The following NR3C1 variants were observed in gnomAD, a reference collection of about 807,000 sequenced individuals.
NR3C1 encodes the protein nuclear receptor subfamily 3 group C member 1, also known as glucocorticoid receptor.
Under a neutral mutation model 74.0 loss-of-function variants are expected in NR3C1, and 14 were observed. The ratio of observed to expected loss-of-function variants is 0.19; its 90% CI spans 0.12 to 0.30. The LOEUF is 0.30. Among genes scored for constraint, NR3C1 ranks in the 10% least tolerant of loss-of-function variants. NR3C1 has a pLI of 1.00. For synonymous variants in NR3C1, 308 were observed against 332.5 expected (o/e 0.93, Z 0.80); for missense variants, 695 against 909.8 (o/e 0.76, Z 3.04).
At chr5:143,284,150 G>A (rs763368060) in intron 7 of NR3C1, among the ~76,000 whole-genome samples, 5 of 152,130 alleles carry the variant, frequency 3.3e-5, no homozygotes, top group Admixed American at 6.6e-5. Flanking sequence ...CATGATCTCA[G>A]CTCACTGCCA....
At chr5:143,343,953 A>G (rs928620479) in intron 2 of NR3C1, among the ~76,000 whole-genome samples, 1 of 152,234 alleles carries the variant, frequency 6.6e-6, no homozygotes, top group African/African-American at 2.4e-5. Context: ...CAATTAATTT[A>G]TAAAAAGAAT....
chr5:143,319,544 A>G (rs537253318), intron 2 of NR3C1, among the ~76,000 whole-genome samples: 2 of 152,326 alleles, frequency 1.3e-5, no homozygotes, highest in East Asian at 3.9e-4. Flanking sequence ...TTTTTGTCCA[A>G]ACACCGTAAC....
In NR3C1 at chr5:143,314,150, A is replaced by G; in HGVS notation, c.1203T>C (p.Asp401=). The change falls in exon 3 of 9, where the codon GAT becomes GAC. Residue 401 remains aspartate (D), a synonymous_variant. Transcript: ENST00000394464. ...AGGAGCTGGATGGAGGAGAGCTTAC[A>G]TCTGGTCTCATGCTGGGGCTAAAGA... ...NGYSSPSMRP[D]VSSPPSSSST... The G allele has an allele frequency of 6.2e-7, 1 of 1,613,718 alleles. No individual in the cohort carries two copies. Among genetic ancestry groups the G allele is most frequent in the Non-Finnish European group, 8.5e-7 (1 of 1,179,734 alleles).
intron 1 of NR3C1, among the ~76,000 whole-genome samples, chr5:143,420,325 A>G (rs2151959193): frequency 6.6e-6 from 1 of 152,308 alleles, no homozygotes; most frequent in African/African-American, 2.4e-5. Flanking sequence ...GGAAGTGATA[A>G]GTGTCCATGA....
intron 1 of NR3C1, among the ~76,000 whole-genome samples, chr5:143,424,067 T>TGCGGGGG (rs1561816582): frequency 2.1e-5 from 1 of 47,978 alleles, no homozygotes; most frequent in African/African-American, 9.3e-5. Context: ...TGTTGTGGGG[T>TGCGGGGG]GTGGGGAGGG....
chr5:143,425,576 G>T (rs1600685290), intron 1 of NR3C1, among the ~76,000 whole-genome samples: 1 of 152,196 alleles, frequency 6.6e-6, no homozygotes, highest in East Asian at 1.9e-4. Flanking sequence ...TGACCTGATA[G>T]TTCTCTAAAG....
intron 2 of NR3C1, among the ~76,000 whole-genome samples, chr5:143,354,356 C>T (rs1830735904): frequency 6.6e-6 from 1 of 152,204 alleles, no homozygotes; most frequent in Non-Finnish European, 1.5e-5. Context: ...TTGCTTTTGG[C>T]CTGTCTTGGC....
chr5:143,328,206 C>A (rs759323676), intron 2 of NR3C1, among the ~76,000 whole-genome samples: 1 of 152,226 alleles, frequency 6.6e-6, no homozygotes, highest in Non-Finnish European at 1.5e-5. Flanking sequence ...AGCAATGGTG[C>A]GAGCTGTAAC....
chr5:143,293,812 G>GAA (rs1163991279), intron 7 of NR3C1: 1 of 857,954 alleles, frequency 1.2e-6, no homozygotes, highest in East Asian at 1.2e-4. Context: ...TATTTACAAT[G>GAA]AAAAAAATCA....
At chr5:143,295,344 T>C (rs1026479842) in intron 7 of NR3C1, 116 bp downstream of exon 7, 2 of 1,455,406 alleles carry the variant, frequency 1.4e-6, no homozygotes, top group Non-Finnish European at 1.8e-6. Flanking sequence ...ATCTGACTAG[T>C]AGGAAATAAT....
At chr5:143,364,601 A>C (rs1832873950) in intron 2 of NR3C1, among the ~76,000 whole-genome samples, 1 of 152,232 alleles carries the variant, frequency 6.6e-6, no homozygotes, top group Non-Finnish European at 1.5e-5. Context: ...TAGAAAGATG[A>C]AAATCTATGA....
Position 143,317,503 on chromosome 5 carries a change from C to A in NR3C1, c.1185-3335G>T, listed in dbSNP as rs574750079. 3.9e-5 allele frequency among the ~76,000 whole-genome samples: 6 copies of A among 152,182 alleles called. No individual in the cohort carries two copies. In the South Asian group the frequency reaches 1.2e-3, roughly 32 times the overall value. On this transcript the variant is annotated intron_variant, in intron 2 of 8. Transcript: ENST00000394464. ...GGGTGCTTGCTTTTAAGTGAGGAAC[C>A]CTTGGAACAAAATGCCTTGTTCCAG...
intron 2 of NR3C1, among the ~76,000 whole-genome samples, chr5:143,369,842 TATC>T (rs1833943055): frequency 6.6e-6 from 1 of 152,208 alleles, no homozygotes; most frequent in Non-Finnish European, 1.5e-5. Context: ...AATAAATTAA[TATC>T]ATTCTGTTCC....
At chr5:143,391,283 T>G (rs184065886) in intron 2 of NR3C1, among the ~76,000 whole-genome samples, 1,716 of 152,318 alleles carry the variant, frequency 0.011, 14 homozygotes, top group Non-Finnish European at 0.018. Flanking sequence ...TTTGTTTAAC[T>G]GAAGTTTTTT....
intron 1 of NR3C1, among the ~76,000 whole-genome samples, chr5:143,402,098 G>T (rs765611869): frequency 1.3e-5 from 2 of 152,164 alleles, no homozygotes; most frequent in Non-Finnish European, 2.9e-5. Context: ...AGAGAGAGGG[G>T]TGTGGACTTG....
At chr5:143,295,017 T>G in intron 7 of NR3C1, 19 of 985,364 alleles carry the variant, frequency 1.9e-5, no homozygotes, top group Non-Finnish European at 2.3e-5. Context: ...CAATCCCCAA[T>G]AGTAATTAAG....
chr5:143,309,739 CT>C (rs569921860), intron 4 of NR3C1, among the ~76,000 whole-genome samples: 24 of 152,014 alleles, frequency 1.6e-4, no homozygotes, highest in Non-Finnish European at 2.6e-4. Context: ...GTAAATATGT[CT>C]GATACAGAAA....
intron 1 of NR3C1, among the ~76,000 whole-genome samples, chr5:143,430,568 G>A (rs1600691631): frequency 6.6e-6 from 1 of 152,164 alleles, no homozygotes; most frequent in Admixed American, 6.5e-5. Context: ...GGTCATGAAG[G>A]TGGAGCCCTA....
rs778288633 is a variant in NR3C1 at position 143,279,382 on chromosome 5, T to C, written c.*2507A>G. 3.2e-6 allele frequency: 5 copies of C among 1,551,870 alleles called. No individual in the cohort carries two copies. In the South Asian group the frequency reaches 4.9e-5, roughly 15 times the overall value. On this transcript the variant is annotated 3_prime_UTR_variant, in exon 9 of 9. Transcript: ENST00000394464. Reference sequence around the variant, plus strand: ...ATGAAAATCAGATTAATGTGTGAGATGTGCTTTCTGGTTTTAACCACATAA... The same window carrying C: ...ATGAAAATCAGATTAATGTGTGAGACGTGCTTTCTGGTTTTAACCACATAA...
Sources: gnomAD v4.1 joint callset for allele counts (sites outside exome capture counted in the v4.1 genomes callset) on GRCh38, gnomAD v4.1.1 for gene constraint, MANE v1.5 for transcripts, NCBI Gene and HGNC (gene_info 2026-07-23, HGNC 2026-07-21) for gene names.